Variants in TTC39B observed in about 807,000 individuals in gnomAD.
TTC39B encodes the protein tetratricopeptide repeat protein 39B.
Under a neutral mutation model 96.6 loss-of-function variants are expected in TTC39B, and 92 were observed. The ratio of observed to expected loss-of-function variants is 0.95; its 90% CI spans 0.80 to 1.13. TTC39B has a LOEUF of 1.13. TTC39B is among the 50% of genes most tolerant of loss of function. The pLI, the probability that TTC39B is intolerant of heterozygous loss-of-function variation, is 0.00. For missense variants in TTC39B, 955 were observed against 809.3 expected, an observed-to-expected ratio of 1.18 and a Z score of -2.18; for synonymous variants, 367 against 299.4, an observed-to-expected ratio of 1.23 and a Z score of -2.33.
chr9:15,250,021 A>G (rs1049140844), intron 2 of TTC39B: 13 of 1,287,980 alleles, frequency 1.0e-5, no homozygotes, highest in African/African-American at 1.5e-5. Context: ...CTAAAAGAAG[A>G]GACAAACCTC....
chr9:15,237,585 G>A (rs1277373830), intron 2 of TTC39B, among the ~76,000 whole-genome samples: 18 of 143,032 alleles, frequency 1.3e-4, no homozygotes, highest in Admixed American at 7.7e-4. Flanking sequence ...GAAACAGAAA[G>A]AAAAAGAAAT....
At position 15,191,209 on chromosome 9, in the gene TTC39B, A is replaced by G. The variant is rs771858073; in HGVS notation, c.977T>C (p.Ile326Thr). ...TTGTACCCTATTCCCAGAAAATCCAATAAATTCTAGTAGTCTGATAATCCT... is the reference window on the plus strand; with the variant it reads ...TTGTACCCTATTCCCAGAAAATCCAGTAAATTCTAGTAGTCTGATAATCCT... The change falls in exon 10 of 20, where the codon ATT (isoleucine) becomes ACT (threonine). Residue 326 changes from isoleucine to threonine, a missense_variant. Coordinates refer to ENST00000512701, the Ensembl canonical transcript of TTC39B. 58 of 1,609,538 alleles carry G rather than the reference A, an allele frequency of 3.6e-5. No individual in the cohort carries two copies. The highest frequency in any genetic ancestry group is 2.0e-4 in the South Asian group (18 of 90,554).
exon 6 of TTC39B, chr9:15,210,099 T>A: frequency 6.2e-7 from 1 of 1,605,206 alleles, no homozygotes; most frequent in Admixed American, 1.7e-5. Context: ...TTCACTCAGT[T>A]GCTCCAGGGA....
intron 9 of TTC39B, among the ~76,000 whole-genome samples, chr9:15,191,570 T>C (rs1029580535): frequency 3.3e-5 from 5 of 152,048 alleles, no homozygotes; most frequent in African/African-American, 1.2e-4. Flanking sequence ...CCAGGCAAGG[T>C]TTCTTAGTTT....
rs111790724 is a variant in TTC39B at position 15,290,962 on chromosome 9, T to A, written c.240+16122A>T. Among the ~76,000 whole-genome samples the A allele has an allele frequency of 9.6e-3, 1,467 of 152,220 alleles. 31 individuals carry two copies. The highest frequency in any genetic ancestry group is 0.033 in the African/African-American group (1,370 of 41,516). On this transcript the variant is annotated intron_variant, in intron 1 of 19. Coordinates refer to ENST00000512701, the Ensembl canonical transcript of TTC39B. ...TTTTTTGGGTTATACGTAAAAGGAG[T>A]AATGCAAAGCACACCTTAATAAAGC...
chr9:15,298,527 C>T (rs538377060), intron 1 of TTC39B, among the ~76,000 whole-genome samples: 75 of 152,166 alleles, frequency 4.9e-4, no homozygotes, highest in African/African-American at 1.5e-3. Context: ...AGAGTGTGTG[C>T]GGGGAAACTG....
chr9:15,176,938 A>G (rs1817971970), intron 18 of TTC39B, among the ~76,000 whole-genome samples: 3 of 152,204 alleles, frequency 2.0e-5, no homozygotes, highest in South Asian at 4.1e-4. Context: ...CATCAATGCT[A>G]CTGAGGGGGA....
chr9:15,262,947 C>T (rs1183257501), intron 2 of TTC39B, among the ~76,000 whole-genome samples: 1 of 152,120 alleles, frequency 6.6e-6, no homozygotes, highest in Non-Finnish European at 1.5e-5. Context: ...TATAGTATCA[C>T]CAATTTAAGA....
At chr9:15,204,553 T>A (rs1228213662) in intron 6 of TTC39B, among the ~76,000 whole-genome samples, 1 of 151,952 alleles carries the variant, frequency 6.6e-6, no homozygotes, top group African/African-American at 2.4e-5. Context: ...AAAAACAACT[T>A]TCACACAGTT....
chr9:15,264,699 C>T (rs1027772384), intron 2 of TTC39B, among the ~76,000 whole-genome samples: 3 of 144,402 alleles, frequency 2.1e-5, no homozygotes, highest in African/African-American at 5.3e-5. Flanking sequence ...TGATAGATAT[C>T]GTCATTTGTT....
At position 15,189,808 on chromosome 9, in the gene TTC39B, G is replaced by A. The variant is rs1481291534; in HGVS notation, c.1106-16C>T. On this transcript the variant is annotated splice_polypyrimidine_tract_variant and intron_variant, in intron 11 of 19. Transcript: ENST00000512701. ...TCTCCTGTACCTAGAAATTTAACAG[G>A]AAAAGACTCAGTCTTCATAAGACAT... The A allele has an allele frequency of 5.7e-6, 9 of 1,577,130 alleles. No homozygotes were observed. Among genetic ancestry groups the A allele is most frequent in the Admixed American group, 1.7e-5 (1 of 57,510 alleles).
At chr9:15,192,134 T>C (rs1003573012) in intron 9 of TTC39B, among the ~76,000 whole-genome samples, 3 of 152,202 alleles carry the variant, frequency 2.0e-5, no homozygotes, top group African/African-American at 7.2e-5. Context: ...CTAATTCCAG[T>C]GAACCATCAA....
At chr9:15,255,251 G>A (rs1162931331) in intron 2 of TTC39B, among the ~76,000 whole-genome samples, 2 of 151,974 alleles carry the variant, frequency 1.3e-5, no homozygotes, top group African/African-American at 4.8e-5. Context: ...TGGCTATTAA[G>A]TCTTCAGACT....
At chr9:15,262,391 A>C (rs942913309) in intron 2 of TTC39B, among the ~76,000 whole-genome samples, 3 of 152,178 alleles carry the variant, frequency 2.0e-5, no homozygotes, top group Non-Finnish European at 4.4e-5. Context: ...GAGCCATAGC[A>C]CTTGGCCTAT....
chr9:15,233,551 T>A (rs374574310), intron 2 of TTC39B, among the ~76,000 whole-genome samples: 11 of 150,836 alleles, frequency 7.3e-5, no homozygotes, highest in South Asian at 4.2e-4. Context: ...GGAGACGGGG[T>A]TTCGCTGTGT....
At chr9:15,203,229 G>T (rs967042449) in intron 7 of TTC39B, among the ~76,000 whole-genome samples, 1 of 152,048 alleles carries the variant, frequency 6.6e-6, no homozygotes, top group Non-Finnish European at 1.5e-5. Flanking sequence ...TAGATGTGAC[G>T]GTTGCAAAGC....
intron 1 of TTC39B, among the ~76,000 whole-genome samples, chr9:15,301,441 A>T (rs1308527104): frequency 2.0e-5 from 3 of 152,218 alleles, no homozygotes; most frequent in East Asian, 3.8e-4. Flanking sequence ...CAGGCGTTCA[A>T]TGAACGTTGG....
At chr9:15,280,347 GA>G (rs1395308359) in intron 1 of TTC39B, among the ~76,000 whole-genome samples, 1 of 152,188 alleles carries the variant, frequency 6.6e-6, no homozygotes, top group Non-Finnish European at 1.5e-5. Flanking sequence ...TCCCTTTACA[GA>G]AAAAGTTTGC....
chr9:15,219,208 T>G (rs1279466161), intron 3 of TTC39B, among the ~76,000 whole-genome samples: 1 of 152,202 alleles, frequency 6.6e-6, no homozygotes, highest in Non-Finnish European at 1.5e-5. Context: ...TAGGGATCAT[T>G]AAGTCTGCAG....
Sources: allele counts gnomAD v4.1 joint callset (sites outside exome capture counted in the v4.1 genomes callset), GRCh38; gene constraint gnomAD v4.1.1; transcripts MANE v1.5; gene names NCBI Gene and HGNC (gene_info 2026-07-23, HGNC 2026-07-21).